The following RAB27B variants were observed in gnomAD, a reference collection of about 807,000 sequenced individuals.
The protein encoded by RAB27B is ras-related protein Rab-27B.
A neutral mutation model predicts 24.6 loss-of-function variants in RAB27B; 15 were observed. The observed-to-expected ratio is 0.61, with a 90% CI of 0.41 to 0.94. The LOEUF (loss-of-function observed/expected upper bound fraction) is 0.94. Among genes scored for constraint, RAB27B ranks in the 40% least tolerant of loss-of-function variants. RAB27B has a pLI of 0.00. For synonymous variants in RAB27B, 105 were observed against 92.5 expected, an observed-to-expected ratio of 1.14 and a Z score of -0.78; for missense variants, 261 against 266.8, an observed-to-expected ratio of 0.98 and a Z score of 0.15.
chr18:54,787,111 A>T (rs186791347), intron 2 of RAB27B, among the ~76,000 whole-genome samples: 1 of 152,354 alleles, frequency 6.6e-6, no homozygotes, highest in East Asian at 1.9e-4. Context: ...AGATATCACC[A>T]TCTGAATTGT....
chr18:54,786,111 CT>C (rs75271107), intron 2 of RAB27B, among the ~76,000 whole-genome samples: 9,583 of 151,962 alleles, frequency 0.063, 736 homozygotes, highest in African/African-American at 0.17. Flanking sequence ...TCTATTTCAT[CT>C]TTTTTTTGTC....
At chr18:54,808,983 G>T (rs1056489337) in intron 2 of RAB27B, among the ~76,000 whole-genome samples, 1 of 152,182 alleles carries the variant, frequency 6.6e-6, no homozygotes, top group East Asian at 1.9e-4. Context: ...GTCCACAGAA[G>T]AACTTTTCCT....
At chr18:54,870,439 A>G (rs909357756) in intron 1 of RAB27B, among the ~76,000 whole-genome samples, 2 of 152,170 alleles carry the variant, frequency 1.3e-5, no homozygotes, top group Non-Finnish European at 2.9e-5. Context: ...AAAATTTTCA[A>G]TTAAAATCAG....
At chr18:54,746,556 T>C (rs1021104083) in intron 2 of RAB27B, among the ~76,000 whole-genome samples, 1 of 152,216 alleles carries the variant, frequency 6.6e-6, no homozygotes, top group Non-Finnish European at 1.5e-5. Flanking sequence ...TTATTGTTTT[T>C]ATGTAGTTAA....
At chr18:54,888,251 G>A (rs1913226728) in intron 5 of RAB27B, 133 bp downstream of exon 5, 1 of 1,003,560 alleles carries the variant, frequency 1.0e-6, no homozygotes, top group Non-Finnish European at 1.4e-6. Context: ...ATCTTTCAGA[G>A]AGATATATAT....
At chr18:54,840,977 T>C (rs1361452754) in intron 1 of RAB27B, among the ~76,000 whole-genome samples, 1 of 151,946 alleles carries the variant, frequency 6.6e-6, no homozygotes, top group African/African-American at 2.4e-5. Flanking sequence ...TGAAACCCCG[T>C]CTCTACCAAA....
In RAB27B at chr18:54,850,359, T is replaced by TATATATATATATATACACAC. The variant is rs1491518141; in HGVS notation, c.-20+21660_-20+21661insTATATATATATATACACACA. ...ATATATATATATATATATATATATA[T>TATATATATATATATACACAC]ACATACATACATATGTTTAGTTTTT... is the stretch of plus-strand genomic sequence containing the variant. On this transcript the variant is annotated intron_variant, in intron 1 of 5. Transcript: ENST00000262094. 3.2e-5 allele frequency among the ~76,000 whole-genome samples: 4 copies of TATATATATATATATACACAC among 126,842 alleles called. 1 individual carries two copies. Among genetic ancestry groups the TATATATATATATATACACAC allele is most frequent in the African/African-American group, 1.3e-4 (4 of 31,924 alleles). 83.2% of individuals were successfully genotyped at this position (126,842 alleles called of 152,430 possible).
At chr18:54,795,119 G>C (rs1299786825) in intron 2 of RAB27B, among the ~76,000 whole-genome samples, 1 of 152,098 alleles carries the variant, frequency 6.6e-6, no homozygotes, top group Non-Finnish European at 1.5e-5. Flanking sequence ...TCCCACTTAT[G>C]GTTAATTTTA....
intron 2 of RAB27B, among the ~76,000 whole-genome samples, chr18:54,743,863 AC>A (rs2145016105): frequency 6.6e-6 from 1 of 152,322 alleles, no homozygotes; most frequent in South Asian, 2.1e-4. Context: ...TTAATGGTTC[AC>A]TTGAGTGCCC....
intron 4 of RAB27B, among the ~76,000 whole-genome samples, chr18:54,885,703 G>C (rs567076401): frequency 6.6e-6 from 1 of 152,172 alleles, no homozygotes; most frequent in Non-Finnish European, 1.5e-5. Flanking sequence ...TGGTTTACTT[G>C]TTGTGTTAGT....
chr18:54,877,827 G>A, intron 2 of RAB27B, 89 bp downstream of exon 2: 1 of 1,331,172 alleles, frequency 7.5e-7, no homozygotes, highest in Non-Finnish European at 1.0e-6. Context: ...ATTGGAGTCT[G>A]TCTTTTGTCA....
rs1337496058 is a variant in RAB27B at position 54,890,606 on chromosome 18, T to C, written c.*1193T>C. The C allele has an allele frequency of 1.3e-5, 2 of 152,204 alleles. No individual in the cohort carries two copies. Among genetic ancestry groups the C allele is most frequent in the Non-Finnish European group, 2.9e-5 (2 of 68,020 alleles). 9.4% of individuals were successfully genotyped at this position (152,204 alleles called of 1,614,324 possible). On this transcript the variant is annotated 3_prime_UTR_variant, in exon 6 of 6. Coordinates refer to ENST00000262094, the MANE Select transcript of RAB27B (RefSeq NM_004163.4). ...TTGATCAATAACTTTGGAACAATTA[T>C]GGATCAATTCTATGGTCACTCTGAA... is the stretch of plus-strand genomic sequence containing the variant.
At chr18:54,888,568 A>T (rs1245357699) in intron 5 of RAB27B, among the ~76,000 whole-genome samples, 1 of 152,040 alleles carries the variant, frequency 6.6e-6, no homozygotes, top group Admixed American at 6.6e-5. Context: ...ATCCCTGACA[A>T]GGGTATGAAA....
At chr18:54,738,648 C>T (rs1195524235) in intron 2 of RAB27B, among the ~76,000 whole-genome samples, 3 of 152,154 alleles carry the variant, frequency 2.0e-5, no homozygotes, top group Admixed American at 2.0e-4. Context: ...ACTAATACAC[C>T]TATCATATCC....
intron 2 of RAB27B, among the ~76,000 whole-genome samples, chr18:54,764,585 G>C (rs776434120): frequency 6.6e-6 from 1 of 152,132 alleles, no homozygotes; most frequent in Non-Finnish European, 1.5e-5. Context: ...TTAGGTGACA[G>C]AACATCTCCC....
At chr18:54,847,888 G>C (rs1429009812) in intron 1 of RAB27B, among the ~76,000 whole-genome samples, 3 of 152,154 alleles carry the variant, frequency 2.0e-5, no homozygotes, top group Non-Finnish European at 4.4e-5. Flanking sequence ...TAAATTTAAA[G>C]GAGTTTAATT....
At chr18:54,760,637 G>A (rs1908156501) in intron 2 of RAB27B, among the ~76,000 whole-genome samples, 1 of 152,174 alleles carries the variant, frequency 6.6e-6, no homozygotes, top group South Asian at 2.1e-4. Context: ...CTTAGTGAAA[G>A]GAGAAAAGTG....
chr18:54,823,173 A>G (rs975143989), intron 2 of RAB27B, among the ~76,000 whole-genome samples: 4 of 152,238 alleles, frequency 2.6e-5, no homozygotes, highest in African/African-American at 9.6e-5. Flanking sequence ...ATATTTCTCA[A>G]AGTTACATAT....
intron 2 of RAB27B, among the ~76,000 whole-genome samples, chr18:54,719,139 A>T (rs752953875): frequency 1.3e-5 from 2 of 152,212 alleles, no homozygotes; most frequent in Non-Finnish European, 2.9e-5. Context: ...GCAAGGCATC[A>T]ACATTAAAAG....
Sources: gnomAD v4.1 joint callset for allele counts (sites outside exome capture counted in the v4.1 genomes callset) on GRCh38, gnomAD v4.1.1 for gene constraint, MANE v1.5 for transcripts, NCBI Gene and HGNC (gene_info 2026-07-23, HGNC 2026-07-21) for gene names.